The following PCSK6 variants were observed in gnomAD, a reference collection of about 807,000 sequenced individuals.
PCSK6 encodes the protein paired basic amino acid cleaving enzyme 4.
In PCSK6, 85 loss-of-function variants were observed where a neutral mutation model predicts 123.3. The ratio of observed to expected loss-of-function variants is 0.69; its 90% CI spans 0.58 to 0.83. The LOEUF is 0.83. Among genes scored for constraint, PCSK6 ranks in the 40% least tolerant of loss-of-function variants. The pLI is 0.00. For missense variants in PCSK6, 1,191 were observed against 1,282.3 expected (o/e 0.93, Z 1.09); for synonymous variants, 508 against 516.0 (o/e 0.98, Z 0.21).
At chr15:101,415,704 C>T (rs550130021) in intron 6 of PCSK6, among the ~76,000 whole-genome samples, 2 of 152,290 alleles carry the variant, frequency 1.3e-5, no homozygotes, top group African/African-American at 2.4e-5. Flanking sequence ...GTGGGAGGGA[C>T]TCAGGGGGAG....
intron 12 of PCSK6, among the ~76,000 whole-genome samples, chr15:101,368,265 A>G (rs543072386): frequency 1.2e-4 from 19 of 152,262 alleles, no homozygotes; most frequent in African/African-American, 4.3e-4. Flanking sequence ...CAGGGAAGGG[A>G]AACAGGGCCC....
intron 2 of PCSK6, among the ~76,000 whole-genome samples, chr15:101,433,138 C>T (rs1370433448): frequency 3.3e-5 from 5 of 152,228 alleles, no homozygotes; most frequent in Non-Finnish European, 5.9e-5. Flanking sequence ...AACCCAGCCC[C>T]GTGCTCACCA....
At chr15:101,463,412 G>A (rs12906575) in intron 1 of PCSK6, among the ~76,000 whole-genome samples, 116,817 of 151,752 alleles carry the variant, frequency 0.77, 45,376 homozygotes, top group Non-Finnish European at 0.82. Context: ...CTCTTCCTTT[G>A]GGGCCAAGCG....
At chr15:101,368,024 C>T (rs1360131686) in intron 12 of PCSK6, among the ~76,000 whole-genome samples, 2 of 152,208 alleles carry the variant, frequency 1.3e-5, no homozygotes, top group Non-Finnish European at 2.9e-5. Flanking sequence ...AAGAGTTGGC[C>T]AGGTTGGTCT....
intron 9 of PCSK6, among the ~76,000 whole-genome samples, chr15:101,389,014 G>C (rs1343957418): frequency 6.6e-6 from 1 of 152,106 alleles, no homozygotes; most frequent in South Asian, 2.1e-4. Flanking sequence ...CCTTTAAAAA[G>C]GTAATTAACA....
intron 13 of PCSK6, among the ~76,000 whole-genome samples, chr15:101,334,758 C>T (rs1260409474): frequency 6.6e-6 from 1 of 152,130 alleles, no homozygotes; most frequent in African/African-American, 2.4e-5. Flanking sequence ...TTTTTATTTT[C>T]AGATATAGTT....
chr15:101,444,992 G>T (rs80347847), intron 1 of PCSK6, among the ~76,000 whole-genome samples: 1 of 152,196 alleles, frequency 6.6e-6, no homozygotes, highest in Non-Finnish European at 1.5e-5. Flanking sequence ...TCTCCTGTTC[G>T]TGGGTTTAGG....
intron 13 of PCSK6, among the ~76,000 whole-genome samples, chr15:101,360,710 C>G (rs4563027): frequency 0.14 from 14,547 of 104,894 alleles, 1,829 homozygotes; most frequent in African/African-American, 0.28. Context: ...ACCAGGCACA[C>G]TCCTGCCCGG....
chr15:101,386,922 G>A (rs980429357), intron 9 of PCSK6, among the ~76,000 whole-genome samples: 2 of 152,132 alleles, frequency 1.3e-5, no homozygotes, highest in Non-Finnish European at 2.9e-5. Flanking sequence ...TTTGTATGGC[G>A]GCTGCTCTGC....
rs2040767793 is a variant in PCSK6, at chr15:101,347,574, G to A, written c.1859-15543C>T. On this transcript the variant is annotated intron_variant, in intron 13 of 21. Transcript: ENST00000611716. ...GCTTGCACGCACACGCATTCATGCAGTCAATCAACAACTGTTTGTGAGCCA... is the reference window on the plus strand; with the variant it reads ...GCTTGCACGCACACGCATTCATGCAATCAATCAACAACTGTTTGTGAGCCA... 4 of 1,438,706 alleles carry A rather than the reference G, an allele frequency of 2.8e-6. No homozygotes were observed. In the Admixed American group the frequency reaches 7.7e-5, roughly 28 times the overall value. 89.1% of individuals were successfully genotyped at this position (1,438,706 alleles called of 1,614,324 possible).
chr15:101,409,447 C>T (rs28672963), intron 6 of PCSK6, among the ~76,000 whole-genome samples: 35,129 of 150,814 alleles, frequency 0.23, 4,565 homozygotes, highest in African/African-American at 0.36. Context: ...TAGCCGGGCG[C>T]GGTGGCGGGC....
At chr15:101,350,836 A>T (rs2040871233) in intron 13 of PCSK6, among the ~76,000 whole-genome samples, 1 of 152,230 alleles carries the variant, frequency 6.6e-6, no homozygotes, top group Non-Finnish European at 1.5e-5. Flanking sequence ...TTCAATTCCC[A>T]ATATGCAGTG....
intron 10 of PCSK6, among the ~76,000 whole-genome samples, chr15:101,382,912 T>G (rs1201566116): frequency 2.0e-5 from 3 of 152,198 alleles, no homozygotes; most frequent in African/African-American, 7.2e-5. Flanking sequence ...AAAGATGAAC[T>G]AGCCCAATCG....
Position 101,370,460 on chromosome 15 carries a change from C to T in PCSK6, c.1596G>A (p.Ser532=), listed in dbSNP as rs758612465. 96 of 1,550,310 alleles carry T rather than the reference C, an allele frequency of 6.2e-5. No homozygotes were observed. Among genetic ancestry groups the T allele is most frequent in the Non-Finnish European group, 8.0e-5 (92 of 1,146,228 alleles). ...GCTCCAAGTAGACCACCCGCTGGTC[C>T]GAGTGCTCCGCGCAGGCGCTGGTCA... ...TALTSACAEH[S]DQRVVYLEHV... Residue 532 remains serine, a synonymous_variant, in exon 12 of 22, where the codon TCG becomes TCA. Coordinates refer to ENST00000611716, the MANE Select transcript of PCSK6 (RefSeq NM_002570.5).
At chr15:101,451,067 G>C (rs563598118) in intron 1 of PCSK6, among the ~76,000 whole-genome samples, 1 of 151,806 alleles carries the variant, frequency 6.6e-6, no homozygotes, top group East Asian at 1.9e-4. Flanking sequence ...GGGGTTTACA[G>C]AAAGGGCCTC....
Position 101,309,534 on chromosome 15 carries a change from C to T in PCSK6, c.2700-2209G>A, listed in dbSNP as rs146452124. On this transcript the variant is annotated intron_variant, in intron 20 of 21. Transcript: ENST00000611716. ...AGGGATGCCGGATGCAGCCCTCTGTCCCTGCTCCCTTGCAGAGGCCACTCC... is the reference window on the plus strand; with the variant it reads ...AGGGATGCCGGATGCAGCCCTCTGTTCCTGCTCCCTTGCAGAGGCCACTCC... 3.9e-3 allele frequency among the ~76,000 whole-genome samples: 589 copies of T among 152,374 alleles called. 5 individuals are homozygous for T. The highest frequency in any genetic ancestry group is 0.014 in the African/African-American group (571 of 41,598).
intron 12 of PCSK6, among the ~76,000 whole-genome samples, chr15:101,368,272 G>A (rs1474238263): frequency 6.6e-6 from 1 of 152,190 alleles, no homozygotes; most frequent in Non-Finnish European, 1.5e-5. Flanking sequence ...GGGAAACAGG[G>A]CCCCAGGGGA....
intron 2 of PCSK6, among the ~76,000 whole-genome samples, chr15:101,435,311 A>AC (rs2056566466): frequency 7.7e-6 from 1 of 130,350 alleles, no homozygotes; most frequent in Admixed American, 7.7e-5. Context: ...ACTCTGTCTC[A>AC]AAAAAAAAAA....
chr15:101,429,214 G>A (rs1473814529), intron 5 of PCSK6, among the ~76,000 whole-genome samples: 1 of 150,862 alleles, frequency 6.6e-6, no homozygotes, highest in African/African-American at 2.4e-5. Context: ...AGAGCTCAGG[G>A]TATGGGGCAT....
Sources: allele counts gnomAD v4.1 joint callset (sites outside exome capture counted in the v4.1 genomes callset), GRCh38; gene constraint gnomAD v4.1.1; transcripts MANE v1.5; gene names NCBI Gene and HGNC (gene_info 2026-07-23, HGNC 2026-07-21).